Variants in CDK13 observed in about 807,000 individuals in gnomAD.
The protein encoded by CDK13 is cyclin dependent kinase 13, also known as cyclin-dependent kinase 13.
Under a neutral mutation model 137.6 loss-of-function variants are expected in CDK13, and 40 were observed. The observed-to-expected ratio is 0.29, with a 90% CI of 0.23 to 0.38. CDK13 has a LOEUF of 0.38. Among genes scored for constraint, CDK13 ranks in the 10% least tolerant of loss-of-function variants. The pLI, the probability that CDK13 is intolerant of heterozygous loss-of-function variation, is 1.00. For synonymous variants in CDK13, 869 were observed against 760.1 expected (o/e 1.14, Z -2.36); for missense variants, 1,704 against 1,951.8 (o/e 0.87, Z 2.39).
At chr7:39,962,264 T>A (rs1013428038) in intron 1 of CDK13, among the ~76,000 whole-genome samples, 2 of 152,172 alleles carry the variant, frequency 1.3e-5, no homozygotes, top group Admixed American at 1.3e-4. Context: ...AGTGTAAAAG[T>A]GTTCCTATTT....
At chr7:40,022,016 C>G (rs376037125) in intron 5 of CDK13, among the ~76,000 whole-genome samples, 23 of 152,304 alleles carry the variant, frequency 1.5e-4, no homozygotes, top group East Asian at 7.7e-4. Flanking sequence ...TCTTTATATT[C>G]CTACCACCTT....
intron 1 of CDK13, among the ~76,000 whole-genome samples, chr7:39,961,106 C>G (rs377121001): frequency 1.6e-3 from 236 of 152,080 alleles, no homozygotes; most frequent in African/African-American, 5.6e-3. Flanking sequence ...CGCCTGTAAT[C>G]CCAGCACTTT....
intron 1 of CDK13, among the ~76,000 whole-genome samples, chr7:39,962,539 G>A (rs564455500): frequency 1.2e-4 from 18 of 152,224 alleles, no homozygotes; most frequent in African/African-American, 4.1e-4. Context: ...TTAGCCCTTT[G>A]TCACTTGAGT....
intron 12 of CDK13, among the ~76,000 whole-genome samples, chr7:40,089,774 C>G (rs573204932): frequency 1.5e-4 from 23 of 148,766 alleles, no homozygotes; most frequent in Non-Finnish European, 2.7e-4. Context: ...GCTTATTAAA[C>G]ATGAAAAAAT....
rs2116063527 is a variant in CDK13, at chr7:39,951,400, C to T, written c.759C>T (p.Ser253=). The change falls in exon 1 of 14, where the codon AGC becomes AGT. Residue 253 remains serine, a synonymous_variant. Transcript: ENST00000181839. ...TCGCCAAGAGCGGCAGCAGCAGCAG[C>T]AGCGGCGGCCGCCGGAAAAGCGCTT... The part of the protein sequence containing the change: ...AEVAKSGSSS[S]SGGRRKSASA... 2.0e-6 allele frequency: 3 copies of T among 1,525,216 alleles called. No individual in the cohort carries two copies. Among genetic ancestry groups the T allele is most frequent in the Non-Finnish European group, 2.6e-6 (3 of 1,139,170 alleles). The allele number at this position is 1,525,216 out of a possible 1,614,324, so 94.5% of individuals were successfully genotyped here.
intron 2 of CDK13, among the ~76,000 whole-genome samples, 197 bp from the exon 3 acceptor site, chr7:39,997,297 C>T (rs1784585244): frequency 1.3e-5 from 2 of 152,176 alleles, no homozygotes; most frequent in South Asian, 4.1e-4. Context: ...AATTCTATAT[C>T]ATTTTTACTC....
At position 39,950,895 on chromosome 7, in the gene CDK13, C is replaced by A; in HGVS notation, c.254C>A (p.Pro85His). 7.4e-7 allele frequency: 1 copy of A among 1,345,706 alleles called. No homozygotes were observed. Among genetic ancestry groups the A allele is most frequent in the Non-Finnish European group, 9.5e-7 (1 of 1,058,200 alleles). The allele number at this position is 1,345,706 out of a possible 1,614,324, so 83.4% of individuals were successfully genotyped here. A position where few individuals can be genotyped will look rare whatever the true frequency, so the allele number is the denominator to read the frequency against. ...AASSSCFSPG[P>H]PLEVKRLARG... ...TCCTCCTCTTGCTTCAGCCCGGGCC[C>A]CCCTCTGGAGGTCAAGCGGCTGGCG... The change falls in exon 1 of 14, where the codon CCC becomes CAC. Residue 85 changes from proline to histidine, a missense_variant. This residue lies in a region of CDK13 where 1,051 missense variants were observed against 931.0 expected (regional missense o/e 1.13). Transcript: ENST00000181839.
chr7:39,973,381 C>A (rs746341077), intron 1 of CDK13, among the ~76,000 whole-genome samples: 1 of 152,136 alleles, frequency 6.6e-6, no homozygotes, highest in Non-Finnish European at 1.5e-5. Context: ...AGCAATCCTC[C>A]CACCTTGGCC....
intron 5 of CDK13, among the ~76,000 whole-genome samples, chr7:40,002,566 G>T (rs1428637853): frequency 1.3e-5 from 2 of 152,100 alleles, no homozygotes; most frequent in Non-Finnish European, 2.9e-5. Context: ...CATATGATGG[G>T]TGAAAGCAGT....
chr7:39,973,163 G>T (rs984250103), intron 1 of CDK13, among the ~76,000 whole-genome samples: 1 of 152,096 alleles, frequency 6.6e-6, no homozygotes, highest in Non-Finnish European at 1.5e-5. Flanking sequence ...TTGAGACAGG[G>T]TCTCACTCTG....
chr7:39,995,078 G>T (rs9690347), intron 2 of CDK13, among the ~76,000 whole-genome samples: 40,603 of 148,188 alleles, frequency 0.27, 6,561 homozygotes, highest in Middle Eastern at 0.45. Context: ...ATTTTTTTCT[G>T]TTGCTGGTGT....
rs1174858221 is a variant in CDK13, at chr7:39,976,288, G to GTCTCTCTCTCTCTCTCTCTCTC, written c.1212-11296_1212-11275dup. On this transcript the variant is annotated intron_variant, in intron 1 of 13. Coordinates refer to ENST00000181839, the MANE Select transcript of CDK13 (RefSeq NM_003718.5). ...AGCCTGGGCAACAGAGCGAGATTCC[G>GTCTCTCTCTCTCTCTCTCTCTC]TCTCTCTCTCTCTCTCTCTCTCTCT... Among the ~76,000 whole-genome samples the GTCTCTCTCTCTCTCTCTCTCTC allele has an allele frequency of 7.0e-4, 21 of 29,904 alleles. 1 individual carries two copies. The highest frequency in any genetic ancestry group is 1.2e-3 in the Non-Finnish European group (13 of 11,296). The allele number at this position is 29,904 out of a possible 152,430, so 19.6% of individuals were successfully genotyped here.
At chr7:40,048,324 A>G (rs963175120) in intron 7 of CDK13, 3 of 152,272 alleles carry the variant, frequency 2.0e-5, no homozygotes, top group Non-Finnish European at 4.4e-5. Flanking sequence ...GAGGATGTTC[A>G]CTGTATAAGA....
rs1787094844 is a variant in CDK13 at position 39,950,260 on chromosome 7, C to A, written c.-382C>A. The A allele has an allele frequency of 5.8e-6, 6 of 1,037,122 alleles. No homozygotes were observed. The highest frequency in any genetic ancestry group is 4.6e-5 in the South Asian group (1 of 21,890). The allele number at this position is 1,037,122 out of a possible 1,614,324, so 64.2% of individuals were successfully genotyped here. A position where few individuals can be genotyped will look rare whatever the true frequency, so the allele number is the denominator to read the frequency against. ...TGAAGCGGCGACGAAGGTGGTACTT[C>A]CGCGTTGCGCTGCCCGAGCCGAGAG... On this transcript the variant is annotated 5_prime_UTR_variant, in exon 1 of 14. Coordinates refer to ENST00000181839, the MANE Select transcript of CDK13 (RefSeq NM_003718.5).
In CDK13 at chr7:40,077,994, G is replaced by C. The variant is rs747198875; in HGVS notation, c.2781-11G>C. 2.4e-5 allele frequency: 32 copies of C among 1,353,176 alleles called. No homozygotes were observed. The highest frequency in any genetic ancestry group is 3.1e-5 in the Non-Finnish European group (31 of 990,278). The allele number at this position is 1,353,176 out of a possible 1,614,324, so 83.8% of individuals were successfully genotyped here. ...TTGATAGTGATGTACTTCCTTTTGT[G>C]TGTTGCTTAGCCGAATATGTGGGAG... On this transcript the variant is annotated splice_polypyrimidine_tract_variant and intron_variant, in intron 9 of 13. Coordinates refer to ENST00000181839, the MANE Select transcript of CDK13 (RefSeq NM_003718.5).
In CDK13 at chr7:39,950,869, C is replaced by T; in HGVS notation, c.228C>T (p.Ala76=). ...CCGCCGCAGCCGCCGCCGCCGCGGC[C>T]TCCTCCTCTTGCTTCAGCCCGGGCC... ...TAAAAAAAAA[A]SSSCFSPGPP... The change falls in exon 1 of 14, where the codon GCC becomes GCT. Residue 76 remains alanine (A), a synonymous_variant. Coordinates refer to ENST00000181839, the MANE Select transcript of CDK13 (RefSeq NM_003718.5). 1.5e-6 allele frequency: 2 copies of T among 1,368,626 alleles called. No homozygotes were observed. The highest frequency in any genetic ancestry group is 1.9e-6 in the Non-Finnish European group (2 of 1,072,014). The allele number at this position is 1,368,626 out of a possible 1,614,324, so 84.8% of individuals were successfully genotyped here.
chr7:40,012,164 T>G (rs1490282462), intron 5 of CDK13, among the ~76,000 whole-genome samples: 1 of 152,118 alleles, frequency 6.6e-6, no homozygotes, highest in Non-Finnish European at 1.5e-5. Context: ...GAAATAAGTG[T>G]TGTCCAGGAT....
At chr7:40,091,481 C>G (rs1786922843) in intron 12 of CDK13, among the ~76,000 whole-genome samples, 1 of 152,030 alleles carries the variant, frequency 6.6e-6, no homozygotes, top group Admixed American at 6.5e-5. Flanking sequence ...CCACTGCACT[C>G]CAGCCTGGGG....
chr7:39,994,238 C>A (rs986252512), intron 2 of CDK13, among the ~76,000 whole-genome samples: 126 of 152,006 alleles, frequency 8.3e-4, no homozygotes, highest in African/African-American at 3.0e-3. Flanking sequence ...TTTAAAACTT[C>A]TAGGTTTATA....
Sources: allele counts gnomAD v4.1 joint callset (sites outside exome capture counted in the v4.1 genomes callset), GRCh38; gene constraint gnomAD v4.1.1; regional missense constraint gnomAD v4.1.1; transcripts MANE v1.5; gene names NCBI Gene and HGNC (gene_info 2026-07-23, HGNC 2026-07-21).